The following PRRC2C variants were observed in gnomAD, a reference collection of about 807,000 sequenced individuals.
The protein encoded by PRRC2C is protein PRRC2C.
A neutral mutation model predicts 317.2 loss-of-function variants in PRRC2C; 72 were observed. That is an observed-to-expected ratio of 0.23 (90% CI 0.19 to 0.28). PRRC2C has a LOEUF of 0.28. Among genes scored for constraint, PRRC2C ranks in the 10% least tolerant of loss-of-function variants. The probability of loss-of-function intolerance (pLI) is 1.00; values close to 1 mark genes in which losing one functional copy is unlikely to be tolerated. For synonymous variants in PRRC2C, 1,296 were observed against 1,205.9 expected, an observed-to-expected ratio of 1.07 and a Z score of -1.55; for missense variants, 3,074 against 3,459.7, an observed-to-expected ratio of 0.89 and a Z score of 2.80.
chr1:171,552,977 A>T (rs1680595427), intron 18 of PRRC2C, among the ~76,000 whole-genome samples: 2 of 152,198 alleles, frequency 1.3e-5, no homozygotes, highest in Non-Finnish European at 2.9e-5. Flanking sequence ...TGGCCTCATA[A>T]AATGAGTTAG....
intron 23 of PRRC2C, among the ~76,000 whole-genome samples, chr1:171,569,206 A>T (rs923085218): frequency 2.0e-5 from 3 of 152,130 alleles, no homozygotes; most frequent in African/African-American, 7.2e-5. Context: ...TATCAGACTA[A>T]AATGTTGATC....
chr1:171,563,503 C>T (rs1429970645), intron 20 of PRRC2C, among the ~76,000 whole-genome samples: 1 of 151,878 alleles, frequency 6.6e-6, no homozygotes, highest in Non-Finnish European at 1.5e-5. Flanking sequence ...ATAAGGAGAG[C>T]CAACTGTATA....
At chr1:171,538,662 G>A (rs1020343945) in intron 15 of PRRC2C, among the ~76,000 whole-genome samples, 2 of 152,040 alleles carry the variant, frequency 1.3e-5, no homozygotes, top group South Asian at 4.2e-4. Flanking sequence ...CATCAGCATG[G>A]TCTTAACTTT....
At chr1:171,530,070 G>A (rs777748208) in intron 11 of PRRC2C, among the ~76,000 whole-genome samples, 2 of 152,110 alleles carry the variant, frequency 1.3e-5, no homozygotes, top group Non-Finnish European at 2.9e-5. Context: ...AAGATCAAGT[G>A]TTCATGAACT....
Position 171,557,499 on chromosome 1 carries a change from T to C in PRRC2C, c.5387T>C (p.Leu1796Pro), listed in dbSNP as rs532682434. 2.2e-4 allele frequency: 337 copies of C among 1,550,888 alleles called. No homozygotes were observed. The highest frequency in any genetic ancestry group is 9.8e-5 in the East Asian group (4 of 40,928). Residue 1796 changes from leucine (L) to proline (P), a missense_variant, in exon 19 of 35, where the codon CTG becomes CCG. Transcript: ENST00000647382. ...CCAGCCTCAACTTTAGCTCCAGTTC[T>C]GGCCTCAACCTCAGCTCCAGTTCCA... ...PVPASTLAPV[L>P]ASTSAPVPAS...
chr1:171,502,804 A>G (rs1465522225), intron 1 of PRRC2C, among the ~76,000 whole-genome samples: 3 of 151,964 alleles, frequency 2.0e-5, no homozygotes, highest in Non-Finnish European at 4.4e-5. Context: ...GCTCACTGCA[A>G]CCTCCACTTC....
chr1:171,522,355 G>C, intron 7 of PRRC2C, 96 bp downstream of exon 7: 1 of 804,088 alleles, frequency 1.2e-6, no homozygotes, highest in Admixed American at 2.1e-5. Flanking sequence ...TTGTGTAATT[G>C]ATCGTTTTCC....
chr1:171,492,738 TTTTATTTA>T lies in PRRC2C; in HGVS notation c.-58+7028_-58+7035del, dbSNP rs58061201. On this transcript the variant is annotated intron_variant, in intron 1 of 34. Transcript: ENST00000647382. ...CAAGAGGGTAGGGGAATTTTTTTAA[TTTTATTTA>T]TTTATTTATTTATTTATTTATTTAG... 1.9e-3 allele frequency among the ~76,000 whole-genome samples: 269 copies of T among 144,356 alleles called. 1 individual carries two copies. The highest frequency in any genetic ancestry group is 2.4e-3 in the Admixed American group (34 of 14,464). 94.7% of individuals were successfully genotyped at this position (144,356 alleles called of 152,430 possible).
chr1:171,531,316 C>T (rs951002771), intron 11 of PRRC2C, among the ~76,000 whole-genome samples: 11 of 152,110 alleles, frequency 7.2e-5, no homozygotes, highest in Non-Finnish European at 1.6e-4. Flanking sequence ...CAGCACAGCA[C>T]ATTTTATGTA....
At position 171,586,998 on chromosome 1, in the gene PRRC2C, T is replaced by G. The variant is rs1452763046; in HGVS notation, c.7750-5T>G. On this transcript the variant is annotated splice_polypyrimidine_tract_variant and splice_region_variant and intron_variant, in intron 30 of 34. Coordinates refer to ENST00000647382, the MANE Select transcript of PRRC2C (RefSeq NM_001387844.1). ...TGCTTCAGTTTCTCTTTACTTATTT[T>G]CTAGGTTACAGTACCTTTACCAGCA... The G allele has an allele frequency of 3.8e-6, 6 of 1,582,448 alleles. No homozygotes were observed. The highest frequency in any genetic ancestry group is 5.2e-6 in the Non-Finnish European group (6 of 1,158,308).
intron 17 of PRRC2C, among the ~76,000 whole-genome samples, chr1:171,547,060 C>A (rs572879106): frequency 6.6e-6 from 1 of 151,934 alleles, no homozygotes; most frequent in South Asian, 2.1e-4. Context: ...AACCTTGTCT[C>A]TAAAAATACA....
chr1:171,591,704 C>G lies in PRRC2C; in HGVS notation c.8554C>G (p.Pro2852Ala), dbSNP rs375014768. The change falls in exon 35 of 35, where the codon CCT (proline) becomes GCT (alanine). Residue 2852 changes from proline (P) to alanine (A), a missense_variant. Pro to Ala is a conservative substitution (Grantham distance 27). This residue lies in a region of PRRC2C where 78 missense variants were observed against 97.7 expected (regional missense o/e 0.80). Coordinates refer to ENST00000647382, the MANE Select transcript of PRRC2C (RefSeq NM_001387844.1). ...QKVDSDSSKP[P>A]ETLTDPPGVC... Reference sequence around the variant, plus strand: ...AGTGGACAGTGATTCAAGTAAACCTCCTGAAACACTGACCGACCCTCCTGG... The same window carrying G: ...AGTGGACAGTGATTCAAGTAAACCTGCTGAAACACTGACCGACCCTCCTGG... 7.4e-6 allele frequency: 12 copies of G among 1,613,726 alleles called. No individual in the cohort carries two copies. The highest frequency in any genetic ancestry group is 5.0e-5 in the Admixed American group (3 of 59,976).
intron 11 of PRRC2C, among the ~76,000 whole-genome samples, chr1:171,530,999 A>G (rs909377374): frequency 8.5e-5 from 13 of 152,354 alleles, no homozygotes; most frequent in African/African-American, 2.6e-4. Context: ...CCACGTGTCT[A>G]TCATACATGA....
At chr1:171,496,632 A>G (rs1412738037) in intron 1 of PRRC2C, among the ~76,000 whole-genome samples, 1 of 152,218 alleles carries the variant, frequency 6.6e-6, no homozygotes. Flanking sequence ...ACATAGGCAC[A>G]CACATGCACT....
intron 25 of PRRC2C, among the ~76,000 whole-genome samples, chr1:171,576,180 T>TG (rs1182399532): frequency 6.6e-6 from 1 of 152,196 alleles, no homozygotes; most frequent in Non-Finnish European, 1.5e-5. Flanking sequence ...TAGACTAGCT[T>TG]GAGCCCCAGT....
chr1:171,488,734 GTTAC>G, intron 1 of PRRC2C, among the ~76,000 whole-genome samples: 1 of 152,262 alleles, frequency 6.6e-6, no homozygotes, highest in Non-Finnish European at 1.5e-5. Flanking sequence ...AACAAGGACT[GTTAC>G]TTAGTTTCAA....
intron 18 of PRRC2C, among the ~76,000 whole-genome samples, chr1:171,553,428 AT>A (rs571256893): frequency 8.4e-4 from 123 of 146,888 alleles, no homozygotes; most frequent in African/African-American, 1.9e-3. Flanking sequence ...AGATTCATTG[AT>A]TTTTTTTTTT....
At chr1:171,509,509 G>A (rs1055951982) in intron 1 of PRRC2C, 1 of 152,122 alleles carries the variant, frequency 6.6e-6, no homozygotes, top group Non-Finnish European at 1.5e-5. Flanking sequence ...TAAACTTTCT[G>A]TATTGCAGTG....
Position 171,532,438 on chromosome 1 carries a change from A to G in PRRC2C, c.1350A>G (p.Arg450=). The G allele has an allele frequency of 6.2e-7, 1 of 1,613,942 alleles. No homozygotes were observed. Among genetic ancestry groups the G allele is most frequent in the Non-Finnish European group, 8.5e-7 (1 of 1,179,884 alleles). ...VADEDEIWKQ[R]RRQQSEISAA... ...ATGAAGATGAAATATGGAAGCAAAG[A>G]CGAAGACAACAATCAGAAATTTCTG... is the stretch of plus-strand genomic sequence containing the variant. The change falls in exon 12 of 35, where the codon AGA becomes AGG. Residue 450 remains arginine, a synonymous_variant. Coordinates refer to ENST00000647382, the MANE Select transcript of PRRC2C (RefSeq NM_001387844.1).
Sources: gnomAD v4.1 joint callset for allele counts (sites outside exome capture counted in the v4.1 genomes callset) on GRCh38, gnomAD v4.1.1 for gene constraint, gnomAD v4.1.1 regional missense constraint, MANE v1.5 for transcripts, NCBI Gene and HGNC (gene_info 2026-07-23, HGNC 2026-07-21) for gene names.